Variants in PCDHA7 observed in about 807,000 individuals in gnomAD.
PCDHA7 encodes the protein protocadherin alpha 7.
A neutral mutation model predicts 57.2 loss-of-function variants in PCDHA7; 37 were observed. That is an observed-to-expected ratio of 0.65 (90% CI 0.50 to 0.85). The LOEUF (loss-of-function observed/expected upper bound fraction) is 0.85. Ranked by LOEUF, PCDHA7 falls within the 40% of genes least tolerant of loss-of-function variation. The probability of loss-of-function intolerance (pLI) is 0.00; values close to 1 mark genes in which losing one functional copy is unlikely to be tolerated. For missense variants in PCDHA7, 1,188 were observed against 1,241.8 expected (o/e 0.96, Z 0.65); for synonymous variants, 553 against 558.8 (o/e 0.99, Z 0.15).
chr5:140,950,749 C>G (rs1202993675), intron 1 of PCDHA7, among the ~76,000 whole-genome samples: 5 of 152,002 alleles, frequency 3.3e-5, no homozygotes, highest in African/African-American at 4.8e-5. Flanking sequence ...TTCTCTCTAT[C>G]CTTTCTGGAC....
intron 1 of PCDHA7, chr5:140,969,064 C>G: frequency 6.2e-7 from 1 of 1,614,136 alleles, no homozygotes; most frequent in Non-Finnish European, 8.5e-7. Context: ...ATATTGATGC[C>G]AGGATACCGC....
intron 3 of PCDHA7, among the ~76,000 whole-genome samples, chr5:140,983,182 C>G (rs782457174): frequency 1.3e-5 from 2 of 152,188 alleles, no homozygotes; most frequent in Non-Finnish European, 2.9e-5. Flanking sequence ...CTCACAATTT[C>G]TTAGTTTAGA....
intron 1 of PCDHA7, chr5:140,850,708 C>A: frequency 6.3e-7 from 1 of 1,598,016 alleles, no homozygotes; most frequent in Non-Finnish European, 8.6e-7. Flanking sequence ...GGCAAGCCGA[C>A]GCTGGTGTGT....
At position 140,843,387 on chromosome 5, in the gene PCDHA7, C is replaced by G. The variant is rs782229636; in HGVS notation, c.2355+6649C>G. On this transcript the variant is annotated intron_variant, in intron 1 of 3. Transcript: ENST00000525929. ...AGGCAGTCGGCTGGCGTTTTGGGTC[C>G]GGAAGCGGCGCTGGTGGATGTCAAC... 7 of 1,595,950 alleles carry G rather than the reference C, an allele frequency of 4.4e-6. 1 individual carries two copies. The Admixed American group carries it at 1.2e-4, about 27-fold the overall frequency.
chr5:140,847,661 T>C (rs1781128482), intron 1 of PCDHA7: 1 of 149,742 alleles, frequency 6.7e-6, no homozygotes, highest in Non-Finnish European at 1.5e-5. Flanking sequence ...TCATAGATTA[T>C]AAAGCTTGGA....
intron 3 of PCDHA7, among the ~76,000 whole-genome samples, chr5:141,004,792 C>G (rs2098181519): frequency 6.6e-6 from 1 of 152,170 alleles, no homozygotes; most frequent in African/African-American, 2.4e-5. Flanking sequence ...CAGGCAGATT[C>G]TGGCTGAGCT....
intron 1 of PCDHA7, chr5:140,868,015 G>A (rs1161077691): frequency 6.6e-6 from 1 of 152,028 alleles, no homozygotes; most frequent in African/African-American, 2.4e-5. Flanking sequence ...TTAGATTAAG[G>A]AAACCAATGT....
At chr5:140,975,093 T>C (rs578045924) in intron 1 of PCDHA7, among the ~76,000 whole-genome samples, 2 of 152,266 alleles carry the variant, frequency 1.3e-5, no homozygotes, top group South Asian at 2.1e-4. Context: ...ATCCAGTTGT[T>C]TGGGGACTGA....
chr5:141,001,020 TATA>T (rs539315208), intron 3 of PCDHA7, among the ~76,000 whole-genome samples: 5 of 152,250 alleles, frequency 3.3e-5, no homozygotes, highest in Non-Finnish European at 5.9e-5. Context: ...GATATACACT[TATA>T]ATAATAGCTT....
At chr5:140,933,692 C>T (rs2089349269) in intron 1 of PCDHA7, among the ~76,000 whole-genome samples, 1 of 151,798 alleles carries the variant, frequency 6.6e-6, no homozygotes, top group African/African-American at 2.4e-5. Context: ...TTTCCTATTC[C>T]TCGGACACAT....
At position 140,843,837 on chromosome 5, in the gene PCDHA7, T is replaced by C. The variant is rs1433979959; in HGVS notation, c.2355+7099T>C. ...GTGAAAATTTAAACATTGTTTAGTT[T>C]TTAGAAACCTTTTATAATTAATTGA... On this transcript the variant is annotated intron_variant, in intron 1 of 3. Coordinates refer to ENST00000525929, the MANE Select transcript of PCDHA7 (RefSeq NM_018910.3). The C allele has an allele frequency of 3.8e-5, 40 of 1,048,116 alleles. 5 individuals are homozygous for C. The Admixed American group carries it at 1.1e-3, about 28-fold the overall frequency. 64.9% of individuals were successfully genotyped at this position (1,048,116 alleles called of 1,614,324 possible). A position where few individuals can be genotyped will look rare whatever the true frequency, so the allele number is the denominator to read the frequency against.
chr5:140,972,660 ATTTTTTTTT>A (rs11350929), intron 1 of PCDHA7, among the ~76,000 whole-genome samples: 1 of 117,268 alleles, frequency 8.5e-6, no homozygotes, highest in Non-Finnish European at 1.7e-5. Flanking sequence ...AAGAAACCAA[ATTTTTTTTT>A]TTTTTTTTTT....
At chr5:140,842,048 G>A (rs2150328015) in intron 1 of PCDHA7, 1 of 1,613,798 alleles carries the variant, frequency 6.2e-7, no homozygotes. Context: ...TCCCACTTTC[G>A]AACAGTCTGA....
chr5:140,876,273 C>T, intron 1 of PCDHA7: 1 of 1,613,982 alleles, frequency 6.2e-7, no homozygotes, highest in South Asian at 1.1e-5. Context: ...TAAATGCTTC[C>T]GATCCAGACG....
At chr5:140,991,205 A>C (rs1403144779) in intron 3 of PCDHA7, among the ~76,000 whole-genome samples, 3 of 152,226 alleles carry the variant, frequency 2.0e-5, no homozygotes, top group Admixed American at 2.0e-4. Context: ...TGCTCAATAA[A>C]TTTTGTTAAA....
chr5:140,995,206 G>A (rs1179914547), intron 3 of PCDHA7, among the ~76,000 whole-genome samples: 2 of 151,988 alleles, frequency 1.3e-5, no homozygotes, highest in African/African-American at 2.4e-5. Context: ...TATAAATTAG[G>A]CACAATACTC....
At chr5:140,909,983 C>T (rs2074810620) in intron 1 of PCDHA7, among the ~76,000 whole-genome samples, 1 of 152,214 alleles carries the variant, frequency 6.6e-6, no homozygotes, top group Non-Finnish European at 1.5e-5. Context: ...GGGAGAAAGA[C>T]TAACAGCATA....
At chr5:140,966,753 C>T in intron 1 of PCDHA7, 1 of 1,433,176 alleles carries the variant, frequency 7.0e-7, no homozygotes, top group South Asian at 1.5e-5. Context: ...CTGCCTCCGC[C>T]GCGGCCAGTG....
intron 1 of PCDHA7, chr5:140,884,152 T>A: frequency 6.2e-7 from 1 of 1,613,450 alleles, no homozygotes; most frequent in Non-Finnish European, 8.5e-7. Context: ...GGCTGTACAC[T>A]GGCGAGATCA....
Sources: gnomAD v4.1 joint callset for allele counts (sites outside exome capture counted in the v4.1 genomes callset) on GRCh38, gnomAD v4.1.1 for gene constraint, MANE v1.5 for transcripts, NCBI Gene and HGNC (gene_info 2026-07-23, HGNC 2026-07-21) for gene names.